The following SHROOM3 variants were observed in gnomAD, a reference collection of about 807,000 sequenced individuals.
SHROOM3 encodes shroom family member 3.
SHROOM3 carries 47 observed loss-of-function variants against 138.6 expected under a neutral mutation model. The observed-to-expected ratio is 0.34, with a 90% confidence interval of 0.27 to 0.43. The LOEUF (loss-of-function observed/expected upper bound fraction) is 0.43, where lower values mean the gene tolerates loss of function less well. SHROOM3 is among the 20% of genes least tolerant of loss of function. SHROOM3 has a pLI of 1.00. For missense variants in SHROOM3, 2,491 were observed against 2,596.5 expected (o/e 0.96, Z 0.88); for synonymous variants, 1,062 against 1,063.3 (o/e 1.00, Z 0.02).
chr4:76,663,145 A>G (rs1475885835), intron 2 of SHROOM3, among the ~76,000 whole-genome samples: 1 of 152,228 alleles, frequency 6.6e-6, no homozygotes, highest in Non-Finnish European at 1.5e-5. Context: ...TTTATTGAAA[A>G]TCATGCATAG....
intron 2 of SHROOM3, among the ~76,000 whole-genome samples, chr4:76,654,739 A>T (rs1396196102): frequency 6.6e-6 from 1 of 152,174 alleles, no homozygotes; most frequent in Non-Finnish European, 1.5e-5. Context: ...GGGTTCAAGG[A>T]TGATTGCCTC....
At chr4:76,661,374 C>T (rs1363107030) in intron 2 of SHROOM3, among the ~76,000 whole-genome samples, 3 of 152,052 alleles carry the variant, frequency 2.0e-5, no homozygotes, top group African/African-American at 4.8e-5. Flanking sequence ...GGAATACAAG[C>T]GCCCGCCACC....
At chr4:76,476,676 G>A (rs10212800) in intron 1 of SHROOM3, among the ~76,000 whole-genome samples, 1 of 152,022 alleles carries the variant, frequency 6.6e-6, no homozygotes, top group Non-Finnish European at 1.5e-5. Flanking sequence ...TTATTTTTTG[G>A]TTACTAAAAC....
At chr4:76,450,834 G>A (rs1730911361) in intron 1 of SHROOM3, among the ~76,000 whole-genome samples, 1 of 151,896 alleles carries the variant, frequency 6.6e-6, no homozygotes, top group Admixed American at 6.6e-5. Context: ...AAAAATCAAT[G>A]AATCATAAAG....
chr4:76,470,178 G>A (rs1731340639), intron 1 of SHROOM3, among the ~76,000 whole-genome samples: 1 of 152,158 alleles, frequency 6.6e-6, no homozygotes, highest in African/African-American at 2.4e-5. Context: ...TACACTAAGT[G>A]ATTTGACCCC....
intron 1 of SHROOM3, among the ~76,000 whole-genome samples, chr4:76,467,761 C>A (rs937905380): frequency 6.6e-6 from 1 of 152,146 alleles, no homozygotes; most frequent in African/African-American, 2.4e-5. Context: ...TTCACAAACC[C>A]GGGTATAACT....
At chr4:76,542,553 G>A (rs761108743) in intron 1 of SHROOM3, among the ~76,000 whole-genome samples, 1 of 152,248 alleles carries the variant, frequency 6.6e-6, no homozygotes, top group Non-Finnish European at 1.5e-5. Context: ...CACAGAGTGA[G>A]AGAGACTTGA....
chr4:76,479,506 T>C (rs537831331), intron 1 of SHROOM3, among the ~76,000 whole-genome samples: 1 of 152,220 alleles, frequency 6.6e-6, no homozygotes, highest in South Asian at 2.1e-4. Context: ...CTACATTTGA[T>C]TGGTGTACCT....
At chr4:76,698,162 T>G (rs1465318430) in intron 2 of SHROOM3, among the ~76,000 whole-genome samples, 1 of 152,146 alleles carries the variant, frequency 6.6e-6, no homozygotes, top group Non-Finnish European at 1.5e-5. Flanking sequence ...TTGGAAACAT[T>G]TAGGTTTGAT....
intron 2 of SHROOM3, among the ~76,000 whole-genome samples, chr4:76,570,609 C>T (rs1055443181): frequency 2.6e-5 from 4 of 152,144 alleles, no homozygotes; most frequent in African/African-American, 4.8e-5. Flanking sequence ...TAAGACTCAC[C>T]GTGTTTTCTT....
At chr4:76,614,124 C>T (rs544589977) in intron 2 of SHROOM3, among the ~76,000 whole-genome samples, 6 of 152,182 alleles carry the variant, frequency 3.9e-5, no homozygotes, top group African/African-American at 7.2e-5. Context: ...GGCGAGATCT[C>T]GGCTCACTGC....
chr4:76,555,837 G>A, intron 2 of SHROOM3, 74 bp downstream of exon 2: 2 of 1,539,116 alleles, frequency 1.3e-6, no homozygotes, highest in Non-Finnish European at 1.8e-6. Context: ...CCCACCTCTG[G>A]GAAAAGAGCT....
chr4:76,443,608 T>C (rs1730743208), intron 1 of SHROOM3, among the ~76,000 whole-genome samples: 1 of 152,236 alleles, frequency 6.6e-6, no homozygotes, highest in Non-Finnish European at 1.5e-5. Flanking sequence ...TCTTGTGCTC[T>C]GACATCCCAG....
chr4:76,461,010 A>T (rs1036551664), intron 1 of SHROOM3, among the ~76,000 whole-genome samples: 2 of 149,294 alleles, frequency 1.3e-5, no homozygotes, highest in African/African-American at 4.9e-5. Context: ...AAATACAAAT[A>T]AAAAAAATTT....
At chr4:76,734,978 G>A (rs1025977307) in intron 4 of SHROOM3, among the ~76,000 whole-genome samples, 2 of 152,144 alleles carry the variant, frequency 1.3e-5, no homozygotes, top group Non-Finnish European at 2.9e-5. Context: ...AGAGCACTCC[G>A]GGTGGTGGGA....
chr4:76,769,336 TAA>T (rs528844642), intron 9 of SHROOM3, among the ~76,000 whole-genome samples: 2 of 141,578 alleles, frequency 1.4e-5, no homozygotes, highest in Non-Finnish European at 1.5e-5. Context: ...TTTTTAGCAG[TAA>T]AAAAAAAAAA....
intron 1 of SHROOM3, among the ~76,000 whole-genome samples, chr4:76,448,341 G>A (rs903370546): frequency 6.6e-6 from 1 of 152,140 alleles, no homozygotes; most frequent in African/African-American, 2.4e-5. Flanking sequence ...GCATGTTCTC[G>A]TTTTTTCTTC....
intron 2 of SHROOM3, among the ~76,000 whole-genome samples, chr4:76,670,607 T>C (rs1269077413): frequency 6.6e-6 from 1 of 152,182 alleles, no homozygotes; most frequent in African/African-American, 2.4e-5. Flanking sequence ...TTATATTGAA[T>C]CAAACAGATT....
intron 1 of SHROOM3, among the ~76,000 whole-genome samples, chr4:76,483,668 A>G (rs896670476): frequency 1.3e-5 from 2 of 152,258 alleles, no homozygotes; most frequent in East Asian, 1.9e-4. Flanking sequence ...AGGATTATAA[A>G]TCATTCTATA....
Sources: allele counts gnomAD v4.1 joint callset (sites outside exome capture counted in the v4.1 genomes callset), GRCh38; gene constraint gnomAD v4.1.1; transcripts MANE v1.5; gene names NCBI Gene and HGNC (gene_info 2026-07-23, HGNC 2026-07-21).